The following CLSTN2 variants were observed in gnomAD, a reference collection of about 807,000 sequenced individuals.
CLSTN2 encodes the protein calsyntenin-2.
In CLSTN2, 48 loss-of-function variants were observed where a neutral mutation model predicts 101.2. The observed-to-expected ratio is 0.47, with a 90% CI of 0.38 to 0.60. CLSTN2 has a LOEUF of 0.60. Ranked by LOEUF, CLSTN2 falls within the 20% of genes least tolerant of loss-of-function variation. The pLI, the probability that CLSTN2 is intolerant of heterozygous loss-of-function variation, is 0.00. For missense variants in CLSTN2, 1,160 were observed against 1,238.2 expected, an observed-to-expected ratio of 0.94 and a Z score of 0.95; for synonymous variants, 481 against 463.6, an observed-to-expected ratio of 1.04 and a Z score of -0.48.
chr3:140,029,628 G>A (rs537194144), intron 1 of CLSTN2, among the ~76,000 whole-genome samples: 1 of 152,252 alleles, frequency 6.6e-6, no homozygotes, highest in African/African-American at 2.4e-5. Context: ...TGGGCCTGGG[G>A]AATATCTGTA....
At chr3:140,452,007 A>C (rs530923247) in intron 6 of CLSTN2, among the ~76,000 whole-genome samples, 19 of 152,328 alleles carry the variant, frequency 1.2e-4, no homozygotes, top group Middle Eastern at 3.4e-3. Flanking sequence ...GGAGACAGAA[A>C]TCAGCAAGAC....
At chr3:139,949,963 A>T (rs561645404) in intron 1 of CLSTN2, among the ~76,000 whole-genome samples, 1 of 152,302 alleles carries the variant, frequency 6.6e-6, no homozygotes, top group Admixed American at 6.5e-5. Flanking sequence ...GGCAAGAAGG[A>T]AGTTTTTAAT....
chr3:140,448,431 G>C, intron 5 of CLSTN2, 88 bp from the exon 6 acceptor site: 1 of 1,139,222 alleles, frequency 8.8e-7, no homozygotes, highest in Non-Finnish European at 1.3e-6. Context: ...CAAATAATTC[G>C]TTGGAACAAA....
intron 2 of CLSTN2, among the ~76,000 whole-genome samples, chr3:140,223,518 A>G (rs186472545): frequency 6.6e-6 from 1 of 152,018 alleles, no homozygotes; most frequent in African/African-American, 2.4e-5. Context: ...CCAGTTTCCG[A>G]AGAAGGATCC....
intron 8 of CLSTN2, among the ~76,000 whole-genome samples, chr3:140,485,566 G>A (rs1934221002): frequency 6.6e-6 from 1 of 152,192 alleles, no homozygotes; most frequent in Non-Finnish European, 1.5e-5. Flanking sequence ...GGAGTCTACA[G>A]TGGCAGGCAG....
intron 1 of CLSTN2, among the ~76,000 whole-genome samples, chr3:140,142,814 G>GT (rs1175485406): frequency 6.6e-6 from 1 of 152,162 alleles, no homozygotes; most frequent in African/African-American, 2.4e-5. Flanking sequence ...TTGGACTTCA[G>GT]TTTGCCCAGC....
rs556005051 is a variant in CLSTN2, at chr3:140,330,699, A to T, written c.233-72930A>T. On this transcript the variant is annotated intron_variant, in intron 2 of 16. Coordinates refer to ENST00000458420, the MANE Select transcript of CLSTN2 (RefSeq NM_022131.3). ...TCTGGAAGGAGAAGTGAACTTTGGA[A>T]GCTTGAGGCCTGACAAAAAAGCCAA... Among the ~76,000 whole-genome samples the T allele has an allele frequency of 7.9e-5, 12 of 152,342 alleles. No homozygotes were observed. In the South Asian group the frequency reaches 2.5e-3, roughly 32 times the overall value.
chr3:140,229,053 T>C (rs1171957270), intron 2 of CLSTN2, among the ~76,000 whole-genome samples: 1 of 152,164 alleles, frequency 6.6e-6, no homozygotes, highest in Non-Finnish European at 1.5e-5. Flanking sequence ...TCTCCTGGTC[T>C]TCCCAAGAGC....
intron 1 of CLSTN2, among the ~76,000 whole-genome samples, chr3:140,118,534 G>T (rs903399106): frequency 6.6e-6 from 1 of 152,028 alleles, no homozygotes; most frequent in African/African-American, 2.4e-5. Flanking sequence ...GTCGACAGTG[G>T]TTACAAGGGG....
chr3:140,158,067 G>A (rs1028762806), intron 1 of CLSTN2, among the ~76,000 whole-genome samples: 1 of 152,046 alleles, frequency 6.6e-6, no homozygotes, highest in Non-Finnish European at 1.5e-5. Flanking sequence ...AAAACAATAA[G>A]GGCCGTCTAT....
At chr3:140,170,352 TTTTG>T (rs1372458884) in intron 1 of CLSTN2, among the ~76,000 whole-genome samples, 1 of 152,196 alleles carries the variant, frequency 6.6e-6, no homozygotes, top group African/African-American at 2.4e-5. Flanking sequence ...TAGAAGGCAA[TTTTG>T]TTTATGAATC....
At chr3:140,225,466 A>G (rs1346343368) in intron 2 of CLSTN2, among the ~76,000 whole-genome samples, 2 of 150,290 alleles carry the variant, frequency 1.3e-5, no homozygotes. Flanking sequence ...TTTATGCAAG[A>G]TGAATACGGG....
At chr3:140,519,054 A>ACTT (rs1934976716) in intron 8 of CLSTN2, among the ~76,000 whole-genome samples, 1 of 152,176 alleles carries the variant, frequency 6.6e-6, no homozygotes, top group Non-Finnish European at 1.5e-5. Context: ...TTTCAAAAAA[A>ACTT]CTTCTTGATT....
chr3:140,546,843 A>G (rs1202884964), intron 10 of CLSTN2, among the ~76,000 whole-genome samples, 162 bp downstream of exon 10: 3 of 152,200 alleles, frequency 2.0e-5, no homozygotes, highest in Admixed American at 6.5e-5. Context: ...GAGGGAGATT[A>G]GTAACCATGA....
chr3:140,127,793 A>G lies in CLSTN2; in HGVS notation c.110-48158A>G, dbSNP rs148929432. Among the ~76,000 whole-genome samples the G allele has an allele frequency of 5.5e-4, 84 of 152,306 alleles. No individual in the cohort carries two copies. In the East Asian group the frequency reaches 0.013, roughly 24 times the overall value. On this transcript the variant is annotated intron_variant, in intron 1 of 16. Transcript: ENST00000458420. Reference sequence around the variant, plus strand: ...ACCAGTTAATATATATAAAGCAGGTAGAACAGGGCTGGGAAAAGAATAAGG... The same window carrying G: ...ACCAGTTAATATATATAAAGCAGGTGGAACAGGGCTGGGAAAAGAATAAGG...
chr3:140,091,258 G>T (rs529465279), intron 1 of CLSTN2, among the ~76,000 whole-genome samples: 2 of 152,248 alleles, frequency 1.3e-5, no homozygotes, highest in South Asian at 4.2e-4. Flanking sequence ...CTGCGGGCAG[G>T]GAGAGATGAC....
chr3:140,084,955 A>G (rs2008656829), intron 1 of CLSTN2, among the ~76,000 whole-genome samples: 1 of 152,194 alleles, frequency 6.6e-6, no homozygotes, highest in Non-Finnish European at 1.5e-5. Flanking sequence ...GTGAGTGCAA[A>G]TGTGGTGTAC....
chr3:140,488,320 A>G (rs983828027), intron 8 of CLSTN2, among the ~76,000 whole-genome samples: 1 of 152,162 alleles, frequency 6.6e-6, no homozygotes, highest in Non-Finnish European at 1.5e-5. Context: ...AGTTTCTCAG[A>G]TCTGTTTGCC....
intron 9 of CLSTN2, among the ~76,000 whole-genome samples, chr3:140,540,511 C>A (rs772567058): frequency 6.6e-6 from 1 of 152,176 alleles, no homozygotes; most frequent in Non-Finnish European, 1.5e-5. Context: ...TGAGAGAAAG[C>A]GAGATTTCAG....
Sources: allele counts gnomAD v4.1 joint callset (sites outside exome capture counted in the v4.1 genomes callset), GRCh38; gene constraint gnomAD v4.1.1; transcripts MANE v1.5; gene names NCBI Gene and HGNC (gene_info 2026-07-23, HGNC 2026-07-21).